Variants in CCDC158 observed in about 807,000 individuals in gnomAD.
CCDC158 encodes the protein coiled-coil domain-containing protein 158.
Under a neutral mutation model 138.6 loss-of-function variants are expected in CCDC158, and 116 were observed. The observed-to-expected ratio is 0.84, with a 90% CI of 0.72 to 0.98. The LOEUF (loss-of-function observed/expected upper bound fraction) is 0.98, where lower values mean the gene tolerates loss of function less well. Among genes scored for constraint, CCDC158 ranks in the 50% least tolerant of loss-of-function variants. The pLI is 0.00. For missense variants in CCDC158, 1,265 were observed against 1,306.1 expected (o/e 0.97, Z 0.48); for synonymous variants, 436 against 442.4 (o/e 0.99, Z 0.18).
At chr4:76,349,402 C>T (rs1722852145) in intron 18 of CCDC158, among the ~76,000 whole-genome samples, 1 of 152,220 alleles carries the variant, frequency 6.6e-6, no homozygotes, top group Admixed American at 6.5e-5. Context: ...AGAGCAGTGG[C>T]TCACACCTGT....
chr4:76,378,330 G>C (rs1725907393), intron 9 of CCDC158, among the ~76,000 whole-genome samples: 1 of 152,116 alleles, frequency 6.6e-6, no homozygotes, highest in African/African-American at 2.4e-5. Flanking sequence ...TTTTATAAAG[G>C]GAGTATGGCA....
chr4:76,398,570 G>A (rs1728040553), intron 3 of CCDC158, among the ~76,000 whole-genome samples: 1 of 151,272 alleles, frequency 6.6e-6, no homozygotes, highest in African/African-American at 2.4e-5. Context: ...GGGAGACTGA[G>A]GCATGAGAAT....
At chr4:76,373,096 G>A (rs572667924) in intron 9 of CCDC158, among the ~76,000 whole-genome samples, 7 of 152,280 alleles carry the variant, frequency 4.6e-5, no homozygotes, top group African/African-American at 9.6e-5. Flanking sequence ...TGATCCACCC[G>A]CCTCAGCCTC....
intron 12 of CCDC158, among the ~76,000 whole-genome samples, chr4:76,363,348 C>T (rs567568566): frequency 6.6e-6 from 1 of 152,334 alleles, no homozygotes; most frequent in African/African-American, 2.4e-5. Context: ...CTTGGAAGCT[C>T]ATGCCTGGCT....
intron 18 of CCDC158, among the ~76,000 whole-genome samples, chr4:76,336,912 G>T (rs1202171449): frequency 6.6e-6 from 1 of 152,162 alleles, no homozygotes; most frequent in Non-Finnish European, 1.5e-5. Flanking sequence ...TTTTCCAGAA[G>T]TTCTTAATAA....
chr4:76,318,419 G>A (rs1447622443), intron 24 of CCDC158, among the ~76,000 whole-genome samples: 1 of 151,904 alleles, frequency 6.6e-6, no homozygotes, highest in East Asian at 1.9e-4. Flanking sequence ...TAGAGGAGAT[G>A]GAAAATTCCT....
chr4:76,399,149 T>C (rs1224099086), intron 3 of CCDC158, among the ~76,000 whole-genome samples: 1 of 152,170 alleles, frequency 6.6e-6, no homozygotes, highest in African/African-American at 2.4e-5. Context: ...ATACATATTA[T>C]AGGTATAGAG....
intron 9 of CCDC158, among the ~76,000 whole-genome samples, chr4:76,377,599 C>T (rs560735668): frequency 1.3e-5 from 2 of 152,254 alleles, no homozygotes; most frequent in Admixed American, 1.3e-4. Flanking sequence ...CTGGGGTGGA[C>T]ATTCCTGCTA....
At chr4:76,358,961 T>A (rs985623149) in intron 13 of CCDC158, among the ~76,000 whole-genome samples, 1 of 152,200 alleles carries the variant, frequency 6.6e-6, no homozygotes, top group Non-Finnish European at 1.5e-5. Context: ...TGTCCTGTTG[T>A]AATTCTTAGT....
chr4:76,396,121 G>A (rs1253129368), intron 4 of CCDC158, 148 bp downstream of exon 4: 6 of 456,432 alleles, frequency 1.3e-5, no homozygotes, highest in Non-Finnish European at 2.3e-5. Flanking sequence ...GAAAATAGAA[G>A]GCACAGGTCA....
intron 1 of CCDC158, among the ~76,000 whole-genome samples, chr4:76,415,706 G>A (rs1729634398): frequency 6.6e-6 from 1 of 152,164 alleles, no homozygotes; most frequent in South Asian, 2.1e-4. Context: ...GGGACATAGT[G>A]AGAAGTGACC....
intron 23 of CCDC158, 98 bp downstream of exon 23, chr4:76,325,759 G>A: frequency 3.1e-6 from 3 of 977,394 alleles, no homozygotes; most frequent in Non-Finnish European, 4.6e-6. Flanking sequence ...TTACACATAA[G>A]AGCAGCATGC....
intron 18 of CCDC158, among the ~76,000 whole-genome samples, chr4:76,344,342 A>G (rs554723699): frequency 2.8e-4 from 43 of 152,360 alleles, no homozygotes; most frequent in Middle Eastern, 3.4e-3. Flanking sequence ...CCACTGCTCG[A>G]GGAAATAAGG....
chr4:76,365,663 T>C (rs1007154114), intron 12 of CCDC158, among the ~76,000 whole-genome samples: 2 of 152,182 alleles, frequency 1.3e-5, no homozygotes, highest in East Asian at 3.9e-4. Context: ...TCTGAAGCTT[T>C]CACTGGCCCT....
At chr4:76,314,200 C>G (rs1381518208) in intron 24 of CCDC158, among the ~76,000 whole-genome samples, 1 of 152,138 alleles carries the variant, frequency 6.6e-6, no homozygotes, top group Non-Finnish European at 1.5e-5. Flanking sequence ...ACACTGCATT[C>G]AGCAAAAAGG....
chr4:76,384,975 A>G (rs2870235), intron 4 of CCDC158, among the ~76,000 whole-genome samples: 96,146 of 152,024 alleles, frequency 0.63, 30,829 homozygotes, highest in East Asian at 0.8. Flanking sequence ...CATGAGAATT[A>G]GTTGAAATTC....
chr4:76,315,402 A>C (rs139472515), intron 24 of CCDC158, among the ~76,000 whole-genome samples: 1 of 152,074 alleles, frequency 6.6e-6, no homozygotes, highest in African/African-American at 2.4e-5. Flanking sequence ...GATAAACCCA[A>C]ATACTTATCC....
At chr4:76,357,301 A>G in intron 14 of CCDC158, 73 bp downstream of exon 14, 1 of 1,052,654 alleles carries the variant, frequency 9.5e-7, no homozygotes, top group Non-Finnish European at 1.3e-6. Context: ...AACGTATTTG[A>G]GTTTCTGTTT....
chr4:76,351,630 G>T, intron 17 of CCDC158, 90 bp downstream of exon 17: 2 of 737,282 alleles, frequency 2.7e-6, no homozygotes, highest in Non-Finnish European at 4.8e-6. Context: ...AAATATACTT[G>T]AATGTGTATC....
Sources: gnomAD v4.1 joint callset for allele counts (sites outside exome capture counted in the v4.1 genomes callset) on GRCh38, gnomAD v4.1.1 for gene constraint, MANE v1.5 for transcripts, NCBI Gene and HGNC (gene_info 2026-07-23, HGNC 2026-07-21) for gene names.